Variants in GOLM2 observed in about 807,000 individuals in gnomAD.
The protein encoded by GOLM2 is protein GOLM2.
A neutral mutation model predicts 55.9 loss-of-function variants in GOLM2; 26 were observed. The ratio of observed to expected loss-of-function variants is 0.47; its 90% confidence interval spans 0.34 to 0.65. The LOEUF (loss-of-function observed/expected upper bound fraction) is 0.65, where lower values mean the gene tolerates loss of function less well. Ranked by LOEUF, GOLM2 falls within the 30% of genes least tolerant of loss-of-function variation. The pLI is 0.01. For synonymous variants in GOLM2, 165 were observed against 194.6 expected (o/e 0.85, Z 1.27); for missense variants, 486 against 531.8 (o/e 0.91, Z 0.85).
intron 6 of GOLM2, among the ~76,000 whole-genome samples, chr15:44,338,590 G>T (rs1156776019): frequency 6.6e-6 from 1 of 152,124 alleles, no homozygotes; most frequent in Non-Finnish European, 1.5e-5. Flanking sequence ...GCTTATGACA[G>T]TTGTACTATA....
chr15:44,322,944 G>A, intron 1 of GOLM2, 21 bp from the exon 2 acceptor site: 1 of 1,526,406 alleles, frequency 6.6e-7, no homozygotes, highest in Non-Finnish European at 8.9e-7. Context: ...TTAGTAAAAT[G>A]AGAACTTAAT....
Position 44,289,333 on chromosome 15 carries a change from G to T in GOLM2, c.304G>T (p.Gly102Trp), listed in dbSNP as rs769669887. 1.2e-6 allele frequency: 2 copies of T among 1,612,756 alleles called. No homozygotes were observed. The highest frequency in any genetic ancestry group is 3.3e-5 in the Admixed American group (2 of 59,706). The stretch of plus-strand genomic sequence containing the variant: ...CCGGCTGCAGGCCAGAGAGGGCCTC[G>T]GGAAGAGATGCGAGGATGACAAGGT... Reference protein sequence around the residue: ...SSRLQAREGLGKRCEDDKVKL... With the variant: ...SSRLQAREGLWKRCEDDKVKL... Residue 102 changes from glycine to tryptophan, a missense_variant, in exon 1 of 10, where the codon GGG (glycine) becomes TGG (tryptophan). Physicochemically the swap from Gly to Trp is radical, Grantham distance 184. Coordinates refer to ENST00000299957, the MANE Select transcript of GOLM2 (RefSeq NM_138423.4). The surrounding 1 kb of genome is among the most constrained non-coding windows in gnomAD (Gnocchi z 4.8).
At chr15:44,324,322 A>G (rs572183162) in intron 2 of GOLM2, among the ~76,000 whole-genome samples, 1 of 152,098 alleles carries the variant, frequency 6.6e-6, no homozygotes, top group South Asian at 2.1e-4. Context: ...TATGTGTTGG[A>G]GTAGATCTTG....
At chr15:44,332,328 G>A (rs898638341) in intron 4 of GOLM2, among the ~76,000 whole-genome samples, 3 of 152,180 alleles carry the variant, frequency 2.0e-5, no homozygotes, top group South Asian at 2.1e-4. Flanking sequence ...AGGCTGAGGC[G>A]GGCGGCTCAC....
At chr15:44,323,943 A>G (rs959288380) in intron 2 of GOLM2, among the ~76,000 whole-genome samples, 9 of 152,120 alleles carry the variant, frequency 5.9e-5, no homozygotes, top group African/African-American at 2.2e-4. Flanking sequence ...TTGATTTCCT[A>G]TTATCCATGA....
intron 6 of GOLM2, among the ~76,000 whole-genome samples, chr15:44,352,760 C>T (rs1471950505): frequency 6.6e-6 from 1 of 151,766 alleles, no homozygotes; most frequent in Non-Finnish European, 1.5e-5. Flanking sequence ...ACAAAAATTA[C>T]CTGGGCATAG....
intron 2 of GOLM2, among the ~76,000 whole-genome samples, chr15:44,324,463 C>A (rs1434486494): frequency 6.6e-6 from 1 of 152,008 alleles, no homozygotes; most frequent in Non-Finnish European, 1.5e-5. Flanking sequence ...AATTGAAATT[C>A]AATAATGTGA....
chr15:44,362,279 G>C (rs891705367), intron 6 of GOLM2, among the ~76,000 whole-genome samples: 2 of 152,102 alleles, frequency 1.3e-5, no homozygotes, highest in Admixed American at 6.6e-5. Context: ...CAACATGATT[G>C]TATATCTAGA....
At chr15:44,306,814 C>T (rs899807877) in intron 1 of GOLM2, among the ~76,000 whole-genome samples, 3 of 152,168 alleles carry the variant, frequency 2.0e-5, no homozygotes, top group Non-Finnish European at 4.4e-5. Flanking sequence ...CCGTTATCGT[C>T]TCCCCAACCC....
chr15:44,296,163 C>G (rs2078755255), intron 1 of GOLM2, among the ~76,000 whole-genome samples: 1 of 152,192 alleles, frequency 6.6e-6, no homozygotes, highest in Non-Finnish European at 1.5e-5. Context: ...TGAAGGTCCT[C>G]CTGTTTAAGC....
intron 8 of GOLM2, among the ~76,000 whole-genome samples, chr15:44,388,375 A>G (rs2079463116): frequency 4.0e-5 from 6 of 151,776 alleles, no homozygotes; most frequent in Admixed American, 3.9e-4. Context: ...ATTTTATTTT[A>G]GTTATTTAAG....
At chr15:44,338,805 T>A (rs1029465739) in intron 6 of GOLM2, among the ~76,000 whole-genome samples, 4 of 152,212 alleles carry the variant, frequency 2.6e-5, no homozygotes, top group African/African-American at 7.2e-5. Context: ...ATTTTTTTTC[T>A]TCTTTTCTGG....
At chr15:44,395,040 C>T (rs2079515558) in intron 8 of GOLM2, among the ~76,000 whole-genome samples, 3 of 150,672 alleles carry the variant, frequency 2.0e-5, no homozygotes, top group Admixed American at 1.3e-4. Context: ...GACGGAGTCT[C>T]GCTCTGTTGC....
chr15:44,330,944 T>C (rs766959405), intron 3 of GOLM2, among the ~76,000 whole-genome samples: 3 of 152,200 alleles, frequency 2.0e-5, no homozygotes, highest in Non-Finnish European at 4.4e-5. Context: ...TTAATTTTGT[T>C]AGTATAGGAA....
At chr15:44,395,998 A>G (rs2079524060) in intron 8 of GOLM2, among the ~76,000 whole-genome samples, 1 of 152,156 alleles carries the variant, frequency 6.6e-6, no homozygotes, top group Non-Finnish European at 1.5e-5. Flanking sequence ...ACAAACATAC[A>G]TGTATACCTG....
chr15:44,404,478 T>C (rs2079585112), intron 9 of GOLM2, among the ~76,000 whole-genome samples: 1 of 152,144 alleles, frequency 6.6e-6, no homozygotes, highest in African/African-American at 2.4e-5. Context: ...TCAAACACTT[T>C]TTGGTAATAT....
At chr15:44,319,750 G>A (rs1040271823) in intron 1 of GOLM2, among the ~76,000 whole-genome samples, 1 of 152,006 alleles carries the variant, frequency 6.6e-6, no homozygotes, top group African/African-American at 2.4e-5. Context: ...ACTGTGCCTG[G>A]CTAAGTTTTT....
intron 6 of GOLM2, among the ~76,000 whole-genome samples, chr15:44,352,223 A>T (rs2079169257): frequency 6.6e-6 from 1 of 152,204 alleles, no homozygotes; most frequent in Admixed American, 6.5e-5. Context: ...AAAAACAGAC[A>T]CATAGACCAA....
At chr15:44,336,877 C>T (rs1239641463) in intron 4 of GOLM2, among the ~76,000 whole-genome samples, 1 of 152,078 alleles carries the variant, frequency 6.6e-6, no homozygotes, top group Non-Finnish European at 1.5e-5. Flanking sequence ...GATCGCGCCA[C>T]TGCACTCCAG....
Sources: gnomAD v4.1 joint callset for allele counts (sites outside exome capture counted in the v4.1 genomes callset) on GRCh38, gnomAD v4.1.1 for gene constraint, Gnocchi (gnomAD v3.1) non-coding constraint, MANE v1.5 for transcripts, NCBI Gene and HGNC (gene_info 2026-07-23, HGNC 2026-07-21) for gene names.